The following SLC6A5 variants were observed in gnomAD, a reference collection of about 807,000 sequenced individuals.
SLC6A5 encodes the protein sodium- and chloride-dependent glycine transporter 2.
A neutral mutation model predicts 90.5 loss-of-function variants in SLC6A5; 58 were observed. The observed-to-expected ratio is 0.64, with a 90% CI of 0.52 to 0.80. The LOEUF (loss-of-function observed/expected upper bound fraction) is 0.80. Ranked by LOEUF, SLC6A5 falls within the 30% of genes least tolerant of loss-of-function variation. The probability of loss-of-function intolerance (pLI) is 0.00; values close to 1 mark genes in which losing one functional copy is unlikely to be tolerated. For missense variants in SLC6A5, 1,015 were observed against 1,017.6 expected, an observed-to-expected ratio of 1.00 and a Z score of 0.03; for synonymous variants, 427 against 401.4, an observed-to-expected ratio of 1.06 and a Z score of -0.76.
chr11:20,632,258 T>G (rs1260383185), intron 10 of SLC6A5, among the ~76,000 whole-genome samples: 2 of 152,184 alleles, frequency 1.3e-5, no homozygotes, highest in Non-Finnish European at 2.9e-5. Flanking sequence ...GGCATTTTGC[T>G]TTTTGTGACA....
intron 5 of SLC6A5, among the ~76,000 whole-genome samples, chr11:20,608,085 T>A (rs571579318): frequency 6.6e-6 from 1 of 152,338 alleles, no homozygotes; most frequent in East Asian, 1.9e-4. Context: ...GGTTCCCAGG[T>A]GACTTATCTG....
intron 10 of SLC6A5, among the ~76,000 whole-genome samples, chr11:20,631,666 A>T (rs533053069): frequency 6.6e-6 from 1 of 152,144 alleles, no homozygotes; most frequent in African/African-American, 2.4e-5. Flanking sequence ...CTCATTCTCA[A>T]TTCAGACATT....
At position 20,630,764 on chromosome 11, in the gene SLC6A5, G is replaced by A. The variant is rs374914772; in HGVS notation, c.1573G>A (p.Gly525Ser). 5 of 1,614,048 alleles carry A rather than the reference G, an allele frequency of 3.1e-6. No homozygotes were observed. In the African/African-American group the frequency reaches 4.0e-5, roughly 13 times the overall value. ...FAGFVIFSVI[G>S]FMANERKVNI... ...CGGCTTCGTCATCTTCTCCGTTATCGGCTTCATGGCCAATGAACGCAAAGT... is the reference window on the plus strand; with the variant it reads ...CGGCTTCGTCATCTTCTCCGTTATCAGCTTCATGGCCAATGAACGCAAAGT... Residue 525 changes from glycine (G) to serine (S), a missense_variant, in exon 10 of 16, where the codon GGC becomes AGC. Gly to Ser is a moderately conservative substitution (Grantham distance 56, BLOSUM62 0). Coordinates refer to ENST00000525748, the MANE Select transcript of SLC6A5 (RefSeq NM_004211.5).
chr11:20,601,877 G>C (rs1430954683), intron 2 of SLC6A5, among the ~76,000 whole-genome samples: 1 of 152,222 alleles, frequency 6.6e-6, no homozygotes, highest in South Asian at 2.1e-4. Flanking sequence ...CCCTGCCAGA[G>C]GGGCCACGAC....
chr11:20,638,087 A>G (rs1184586302), intron 12 of SLC6A5, among the ~76,000 whole-genome samples: 3 of 152,242 alleles, frequency 2.0e-5, no homozygotes, highest in East Asian at 1.9e-4. Flanking sequence ...CGGAGGGTCA[A>G]TCGAATGCAG....
At chr11:20,621,518 T>C (rs1275495333) in intron 7 of SLC6A5, among the ~76,000 whole-genome samples, 1 of 152,220 alleles carries the variant, frequency 6.6e-6, no homozygotes, top group African/African-American at 2.4e-5. Context: ...CTCTGCTTCA[T>C]TGAGAAAAGT....
intron 14 of SLC6A5, among the ~76,000 whole-genome samples, chr11:20,651,352 C>A (rs1853528273): frequency 1.3e-5 from 2 of 149,708 alleles, no homozygotes; most frequent in African/African-American, 4.9e-5. Flanking sequence ...CGGCTTACTG[C>A]AGCCTCTGCC....
chr11:20,601,360 T>A lies in SLC6A5; in HGVS notation c.235T>A (p.Ser79Thr). The A allele has an allele frequency of 6.2e-7, 1 of 1,601,428 alleles. No individual in the cohort carries two copies. The highest frequency in any genetic ancestry group is 8.5e-7 in the Non-Finnish European group (1 of 1,176,004). ...ACEAERPGVGSCKLSSPRAQA... is the reference protein window; with the variant it reads ...ACEAERPGVGTCKLSSPRAQA... ...CGAGGCTGAGCGGCCAGGAGTGGGG[T>A]CTTGCAAACTCAGTAGCCCGCGGGC... Residue 79 changes from serine to threonine, a missense_variant, in exon 2 of 16, where the codon TCT (serine) becomes ACT (threonine). Physicochemically the swap from Ser to Thr is moderately conservative, Grantham distance 58. This residue lies in a region of SLC6A5 where 567 missense variants were observed against 507.3 expected (regional missense o/e 1.12). Coordinates refer to ENST00000525748, the MANE Select transcript of SLC6A5 (RefSeq NM_004211.5).
intron 13 of SLC6A5, among the ~76,000 whole-genome samples, chr11:20,645,942 T>A (rs187933795): frequency 6.6e-6 from 1 of 152,230 alleles, no homozygotes; most frequent in East Asian, 1.9e-4. Flanking sequence ...GCCAGAATGA[T>A]GAGTTTTTAA....
chr11:20,602,531 C>T (rs1191981059), intron 2 of SLC6A5, among the ~76,000 whole-genome samples: 1 of 152,170 alleles, frequency 6.6e-6, no homozygotes, highest in Admixed American at 6.5e-5. Context: ...TCATCAACTT[C>T]AGCTCTTCCC....
intron 7 of SLC6A5, among the ~76,000 whole-genome samples, chr11:20,621,745 C>T (rs990337364): frequency 5.3e-5 from 8 of 152,210 alleles, no homozygotes; most frequent in Admixed American, 3.9e-4. Flanking sequence ...AAAGAGATGT[C>T]GTCTTCCTGC....
intron 5 of SLC6A5, among the ~76,000 whole-genome samples, chr11:20,611,507 T>TG (rs1193947985): frequency 6.6e-6 from 1 of 152,138 alleles, no homozygotes; most frequent in African/African-American, 2.4e-5. Context: ...ACTGAATCAG[T>TG]GTGAGAATGC....
intron 7 of SLC6A5, among the ~76,000 whole-genome samples, chr11:20,625,505 G>T (rs925799181): frequency 6.6e-6 from 1 of 151,992 alleles, no homozygotes; most frequent in African/African-American, 2.4e-5. Context: ...CAGGTGATCT[G>T]CCCGCCTTGA....
intron 13 of SLC6A5, among the ~76,000 whole-genome samples, chr11:20,640,769 A>G (rs1212477632): frequency 4.6e-5 from 7 of 152,142 alleles, no homozygotes; most frequent in Admixed American, 4.6e-4. Context: ...TGTATTCTTT[A>G]TTGAGATGAT....
chr11:20,649,323 C>G (rs964139255), intron 14 of SLC6A5, among the ~76,000 whole-genome samples: 17 of 152,112 alleles, frequency 1.1e-4, no homozygotes, highest in Non-Finnish European at 1.9e-4. Context: ...TCATCATTGT[C>G]AACTGATGAG....
intron 9 of SLC6A5, chr11:20,629,058 G>C (rs921242378): frequency 2.0e-5 from 3 of 152,054 alleles, no homozygotes; most frequent in Admixed American, 6.6e-5. Flanking sequence ...GATTGCTCAA[G>C]GTCATGCCAC....
At chr11:20,643,924 G>A (rs1443147495) in intron 13 of SLC6A5, among the ~76,000 whole-genome samples, 2 of 152,206 alleles carry the variant, frequency 1.3e-5, no homozygotes, top group South Asian at 2.1e-4. Flanking sequence ...CAAATGTCAG[G>A]AGTGGAGGGC....
chr11:20,621,941 C>T (rs1362151048), intron 7 of SLC6A5, among the ~76,000 whole-genome samples: 3 of 152,220 alleles, frequency 2.0e-5, no homozygotes, highest in Non-Finnish European at 4.4e-5. Context: ...TCAGGGGCGC[C>T]TCTGCCTGAG....
intron 14 of SLC6A5, among the ~76,000 whole-genome samples, chr11:20,650,807 C>T (rs952046564): frequency 6.6e-6 from 1 of 151,898 alleles, no homozygotes; most frequent in Non-Finnish European, 1.5e-5. Context: ...GCTCGGACTA[C>T]AGGCGCCCGC....
Sources: allele counts gnomAD v4.1 joint callset (sites outside exome capture counted in the v4.1 genomes callset), GRCh38; gene constraint gnomAD v4.1.1; regional missense constraint gnomAD v4.1.1; transcripts MANE v1.5; gene names NCBI Gene and HGNC (gene_info 2026-07-23, HGNC 2026-07-21).